Variants in MYL10 observed in about 807,000 individuals in gnomAD.
The protein encoded by MYL10 is myosin regulatory light chain 10.
A neutral mutation model predicts 21.9 loss-of-function variants in MYL10; 18 were observed. The observed-to-expected ratio is 0.82, with a 90% CI of 0.57 to 1.22. The LOEUF (loss-of-function observed/expected upper bound fraction) is 1.22, where lower values mean the gene tolerates loss of function less well. MYL10 is among the 50% of genes most tolerant of loss of function. MYL10 has a pLI of 0.00. For synonymous variants in MYL10, 88 were observed against 82.8 expected, an observed-to-expected ratio of 1.06 and a Z score of -0.34; for missense variants, 225 against 230.4, an observed-to-expected ratio of 0.98 and a Z score of 0.15.
Position 101,623,019 on chromosome 7 carries a change from C to T in MYL10, c.327G>A (p.Leu109=). 1 of 1,614,102 alleles carries T rather than the reference C, an allele frequency of 6.2e-7. No homozygotes were observed. Among genetic ancestry groups the T allele is most frequent in the Non-Finnish European group, 8.5e-7 (1 of 1,180,016 alleles). Residue 109 remains leucine (L), a synonymous_variant, in exon 4 of 8, where the codon TTG becomes TTA. Coordinates refer to ENST00000223167, the MANE Select transcript of MYL10 (RefSeq NM_138403.5). ...NRDGFIDKED[L]RDTFAALGRI... is the part of the protein sequence containing the mutation. ...CACCCAGCGCGGCAAAGGTGTCCCT[C>T]AAGTCCTCTTTGTCGATGAAGCCAT...
chr7:101,616,395 T>C, intron 5 of MYL10, 97 bp from the exon 6 acceptor site: 1 of 897,464 alleles, frequency 1.1e-6, no homozygotes, highest in Non-Finnish European at 1.8e-6. Context: ...TGGGGGCAAG[T>C]CCCACGGCCC....
intron 1 of MYL10, among the ~76,000 whole-genome samples, chr7:101,628,614 C>A (rs959813132): frequency 2.0e-5 from 3 of 152,208 alleles, no homozygotes; most frequent in African/African-American, 4.8e-5. Flanking sequence ...AGAGCCCACA[C>A]CTGCCCTGGA....
At position 101,613,368 on chromosome 7, in the gene MYL10, G is replaced by A. The variant is rs182032589; in HGVS notation, c.*107C>T. 1.2e-4 allele frequency: 106 copies of A among 865,058 alleles called. No homozygotes were observed. Among genetic ancestry groups the A allele is most frequent in the African/African-American group, 5.9e-4 (35 of 59,118 alleles). The allele number at this position is 865,058 out of a possible 1,614,324, so 53.6% of individuals were successfully genotyped here. A position where few individuals can be genotyped will look rare whatever the true frequency, so the allele number is the denominator to read the frequency against. ...ATTTATTCTTGCTTTGTCCCCAACC[G>A]TAGGACAAGGGAAGCCTTTTTCCTG... On this transcript the variant is annotated 3_prime_UTR_variant, in exon 8 of 8. Transcript: ENST00000223167.
At chr7:101,618,742 G>T (rs950290814) in intron 5 of MYL10, among the ~76,000 whole-genome samples, 4 of 151,264 alleles carry the variant, frequency 2.6e-5, no homozygotes, top group Admixed American at 6.6e-5. Flanking sequence ...AGCCTCTCAC[G>T]CAGTCTGGCC....
At chr7:101,617,996 G>T (rs1027631695) in intron 5 of MYL10, among the ~76,000 whole-genome samples, 2 of 150,692 alleles carry the variant, frequency 1.3e-5, no homozygotes, top group Non-Finnish European at 3.0e-5. Context: ...ACCAGATCAA[G>T]GTCATCTGTG....
intron 5 of MYL10, among the ~76,000 whole-genome samples, chr7:101,620,688 G>T (rs1754487376): frequency 6.6e-6 from 1 of 152,078 alleles, no homozygotes; most frequent in Non-Finnish European, 1.5e-5. Flanking sequence ...AAGGCAGGGG[G>T]TTCAAGGGAG....
In MYL10 at chr7:101,622,218, T is replaced by C. The variant is rs755220744; in HGVS notation, c.350-18A>G. 1.1e-5 allele frequency: 18 copies of C among 1,594,990 alleles called. No individual in the cohort carries two copies. Among genetic ancestry groups the C allele is most frequent in the Non-Finnish European group, 1.5e-5 (18 of 1,164,912 alleles). Reference sequence around the variant, plus strand: ...GATGCGGCCTGTGGGAGGTGAGAGGTGGGGGCAGGGAGGATAAGAGAGATC... The same window carrying C: ...GATGCGGCCTGTGGGAGGTGAGAGGCGGGGGCAGGGAGGATAAGAGAGATC... On this transcript the variant is annotated intron_variant, in intron 4 of 7. Coordinates refer to ENST00000223167, the MANE Select transcript of MYL10 (RefSeq NM_138403.5).
At chr7:101,622,925 C>T in intron 4 of MYL10, 72 bp downstream of exon 4, 1 of 1,424,230 alleles carries the variant, frequency 7.0e-7, no homozygotes, top group Admixed American at 1.7e-5. Flanking sequence ...CGAGCCCTGC[C>T]CTGCTGGCCC....
intron 1 of MYL10, among the ~76,000 whole-genome samples, chr7:101,627,703 A>G (rs1796763411): frequency 6.6e-6 from 1 of 152,212 alleles, no homozygotes; most frequent in Admixed American, 6.5e-5. Flanking sequence ...GGGACTGCCT[A>G]AGCCTCCAGG....
intron 5 of MYL10, among the ~76,000 whole-genome samples, chr7:101,619,734 A>G (rs1218665806): frequency 6.6e-6 from 1 of 151,932 alleles, no homozygotes; most frequent in Non-Finnish European, 1.5e-5. Flanking sequence ...CTAAAAATAC[A>G]AAAAAATTAG....
intron 5 of MYL10, among the ~76,000 whole-genome samples, chr7:101,619,566 G>C (rs1026593295): frequency 6.6e-6 from 1 of 152,176 alleles, no homozygotes; most frequent in Non-Finnish European, 1.5e-5. Context: ...ATCACCCTGT[G>C]GTGGACTGAA....
intron 6 of MYL10, among the ~76,000 whole-genome samples, chr7:101,614,335 A>G (rs1796584422): frequency 6.6e-6 from 1 of 152,214 alleles, no homozygotes; most frequent in African/African-American, 2.4e-5. Flanking sequence ...CTAAGGACCA[A>G]TGCACATTTT....
chr7:101,626,131 C>T (rs1796743069), intron 1 of MYL10, among the ~76,000 whole-genome samples: 2 of 152,254 alleles, frequency 1.3e-5, no homozygotes, highest in Admixed American at 1.3e-4. Flanking sequence ...TCACCCGGAT[C>T]TGGGTTCAAA....
chr7:101,620,794 T>C (rs1361839033), intron 5 of MYL10, among the ~76,000 whole-genome samples: 1 of 149,418 alleles, frequency 6.7e-6, no homozygotes, highest in Non-Finnish European at 1.5e-5. Flanking sequence ...TTTTTTTTTT[T>C]CTTTTTTTTT....
intron 4 of MYL10, among the ~76,000 whole-genome samples, chr7:101,622,486 G>A (rs572634185): frequency 2.5e-4 from 38 of 152,280 alleles, no homozygotes; most frequent in Admixed American, 2.2e-3. Flanking sequence ...TGCAGGCTCA[G>A]GGTTCCTGTG....
At chr7:101,624,648 C>T (rs1471918562) in intron 1 of MYL10, among the ~76,000 whole-genome samples, 1 of 152,212 alleles carries the variant, frequency 6.6e-6, no homozygotes, top group African/African-American at 2.4e-5. Flanking sequence ...TGCTAAAAAC[C>T]TTCTTCGTGT....
chr7:101,622,320 C>A, intron 4 of MYL10, 120 bp from the exon 5 acceptor site: 1 of 678,612 alleles, frequency 1.5e-6, no homozygotes, highest in Non-Finnish European at 2.4e-6. Flanking sequence ...GCCCTAAGGC[C>A]CTGACGCCTT....
At chr7:101,619,136 C>G (rs1279198284) in intron 5 of MYL10, among the ~76,000 whole-genome samples, 1 of 152,242 alleles carries the variant, frequency 6.6e-6, no homozygotes, top group Non-Finnish European at 1.5e-5. Context: ...TTTAACACGC[C>G]TCCTTCAGTT....
chr7:101,619,664 C>T (rs1430616079), intron 5 of MYL10, among the ~76,000 whole-genome samples: 3 of 152,138 alleles, frequency 2.0e-5, no homozygotes, highest in African/African-American at 4.8e-5. Context: ...CCGAGGAAGG[C>T]GGATCACGAG....
Sources: allele counts gnomAD v4.1 joint callset (sites outside exome capture counted in the v4.1 genomes callset), GRCh38; gene constraint gnomAD v4.1.1; transcripts MANE v1.5; gene names NCBI Gene and HGNC (gene_info 2026-07-23, HGNC 2026-07-21).